The following CHST15 variants were observed in gnomAD, a reference collection of about 807,000 sequenced individuals.
The protein encoded by CHST15 is B cell RAG associated protein (GALNAC4S-6ST).
CHST15 carries 30 observed loss-of-function variants against 53.6 expected under a neutral mutation model. That is an observed-to-expected ratio of 0.56 (90% confidence interval 0.42 to 0.76). The LOEUF is 0.76. CHST15 is among the 30% of genes least tolerant of loss of function. The pLI is 0.00. For synonymous variants in CHST15, 296 were observed against 289.8 expected, an observed-to-expected ratio of 1.02 and a Z score of -0.22; for missense variants, 627 against 740.5, an observed-to-expected ratio of 0.85 and a Z score of 1.78.
chr10:124,019,803 A>C lies in CHST15; in HGVS notation c.1347+1453T>G. ...TGATGTCTAGACTTCTTCTGAGGCT[A>C]GACCAGGTGGTGCGGCCCCATGTGC... On this transcript the variant is annotated intron_variant, in intron 6 of 7. Coordinates refer to ENST00000435907, the MANE Select transcript of CHST15 (RefSeq NM_001270764.2). The surrounding 1 kb of genome is among the most constrained non-coding windows in gnomAD (Gnocchi z 4.6). The C allele has an allele frequency of 1.0e-5, 10 of 985,486 alleles. No homozygotes were observed. Among genetic ancestry groups the C allele is most frequent in the Non-Finnish European group, 1.2e-5 (10 of 830,008 alleles). The allele number at this position is 985,486 out of a possible 1,614,324, so 61.0% of individuals were successfully genotyped here.
In CHST15 at chr10:124,036,158, C is replaced by T. The variant is rs1947489502; in HGVS notation, c.1190+2357G>A. Among the ~76,000 whole-genome samples the T allele has an allele frequency of 6.6e-6, 1 of 152,236 alleles. No individual in the cohort carries two copies. The highest frequency in any genetic ancestry group is 2.1e-4 in the South Asian group (1 of 4,834). On this transcript the variant is annotated intron_variant, in intron 5 of 7. Coordinates refer to ENST00000435907, the MANE Select transcript of CHST15 (RefSeq NM_001270764.2). This position sits in a 1 kb window ranked among gnomAD's most constrained non-coding sequence, Gnocchi z 5.1. ...GGCCGTGTCGGGGAGGGAGGCAGAGCAGCTATGCAAACACCTCCGGGGGCG... is the reference window on the plus strand; with the variant it reads ...GGCCGTGTCGGGGAGGGAGGCAGAGTAGCTATGCAAACACCTCCGGGGGCG...
chr10:124,042,104 T>C (rs1947761899), intron 4 of CHST15, among the ~76,000 whole-genome samples, 197 bp downstream of exon 4: 1 of 152,262 alleles, frequency 6.6e-6, no homozygotes, highest in Non-Finnish European at 1.5e-5. Context: ...ATTTCCACTT[T>C]ATAGTAATGT....
chr10:124,052,409 C>T (rs956884123), intron 1 of CHST15, among the ~76,000 whole-genome samples: 4 of 152,238 alleles, frequency 2.6e-5, no homozygotes, highest in Admixed American at 2.6e-4. Context: ...ACTCCGTCAA[C>T]ATTCACTGGC....
intron 3 of CHST15, among the ~76,000 whole-genome samples, chr10:124,044,224 A>G (rs929927295): frequency 2.0e-5 from 3 of 150,074 alleles, no homozygotes; most frequent in Admixed American, 6.6e-5. Context: ...AGAGCAGGGA[A>G]TAGCACAGAG....
intron 1 of CHST15, among the ~76,000 whole-genome samples, chr10:124,056,088 TG>T (rs1400293946): frequency 6.6e-6 from 1 of 152,138 alleles, no homozygotes; most frequent in Non-Finnish European, 1.5e-5. Flanking sequence ...TATAGAAAGA[TG>T]GGTCAAGAGG....
At chr10:124,063,531 T>C (rs1948658999) in intron 1 of CHST15, among the ~76,000 whole-genome samples, 1 of 152,210 alleles carries the variant, frequency 6.6e-6, no homozygotes, top group African/African-American at 2.4e-5. Context: ...TATTTATTTA[T>C]AGACCTATCA....
intron 1 of CHST15, among the ~76,000 whole-genome samples, chr10:124,067,009 AT>A (rs751925606): frequency 1.3e-5 from 2 of 152,248 alleles, no homozygotes; most frequent in Non-Finnish European, 2.9e-5. Context: ...CCATTTGCAC[AT>A]TCCAGAGTAA....
chr10:124,039,196 T>TG (rs1947641569), intron 4 of CHST15, among the ~76,000 whole-genome samples: 2 of 152,316 alleles, frequency 1.3e-5, no homozygotes, highest in East Asian at 3.9e-4. Flanking sequence ...TAATAATAGA[T>TG]GGAGTTCTCT....
intron 1 of CHST15, among the ~76,000 whole-genome samples, chr10:124,077,823 C>T (rs894754578): frequency 1.3e-5 from 2 of 152,214 alleles, no homozygotes; most frequent in African/African-American, 2.4e-5. Flanking sequence ...GAGCCTCACT[C>T]GGCTCCAGAG....
intron 1 of CHST15, among the ~76,000 whole-genome samples, chr10:124,077,575 G>A (rs1000450259): frequency 6.6e-6 from 1 of 152,176 alleles, no homozygotes; most frequent in Non-Finnish European, 1.5e-5. Context: ...CACCTAAAGA[G>A]AAAATTAGGC....
intron 1 of CHST15, among the ~76,000 whole-genome samples, chr10:124,055,995 G>A (rs115991224): frequency 0.013 from 1,929 of 152,242 alleles, 40 homozygotes; most frequent in African/African-American, 0.045. Context: ...ACAAACCTGC[G>A]GGTACCTGCA....
Position 124,009,822 on chromosome 10 carries a change from G to C in CHST15, c.*327C>G. 1 of 1,100,268 alleles carries C rather than the reference G, an allele frequency of 9.1e-7. No homozygotes were observed. The highest frequency in any genetic ancestry group is 2.7e-5 in the South Asian group (1 of 37,248). The allele number at this position is 1,100,268 out of a possible 1,614,324, so 68.2% of individuals were successfully genotyped here. ...CAGAAGGCGGAGGCGGGCAGGGCCA[G>C]GCTGCCTTCCCTAGGTGTTCTCTCC... On this transcript the variant is annotated 3_prime_UTR_variant, in exon 8 of 8. Transcript: ENST00000435907.
intron 1 of CHST15, among the ~76,000 whole-genome samples, chr10:124,080,740 G>A (rs4437970): frequency 0.014 from 2,170 of 152,270 alleles, 72 homozygotes; most frequent in East Asian, 0.11. Context: ...GCAGGCCTCC[G>A]TTTCCCCAGC....
chr10:124,077,974 G>A (rs2053952766), intron 1 of CHST15, among the ~76,000 whole-genome samples: 1 of 152,222 alleles, frequency 6.6e-6, no homozygotes, highest in Non-Finnish European at 1.5e-5. Flanking sequence ...AAACTAGGCT[G>A]CAGAAATTCT....
Position 124,008,645 on chromosome 10 carries a change from T to C in CHST15, c.*1504A>G. 1 of 1,034,286 alleles carries C rather than the reference T, an allele frequency of 9.7e-7. No individual in the cohort carries two copies. The allele number at this position is 1,034,286 out of a possible 1,614,324, so 64.1% of individuals were successfully genotyped here. On this transcript the variant is annotated 3_prime_UTR_variant, in exon 8 of 8. Transcript: ENST00000435907. ...ACCAGCAGAAAGACGGCTGAACAACTGCAGATCCTCCTACCCCCGAAGCCT... is the reference window on the plus strand; with the variant it reads ...ACCAGCAGAAAGACGGCTGAACAACCGCAGATCCTCCTACCCCCGAAGCCT...
chr10:124,027,079 T>C (rs551999403), intron 5 of CHST15, among the ~76,000 whole-genome samples: 10 of 152,326 alleles, frequency 6.6e-5, no homozygotes, highest in Non-Finnish European at 1.5e-5. Flanking sequence ...CAGATGGGTA[T>C]TACATTTGGC....
chr10:124,014,904 A>C (rs1232560399), intron 6 of CHST15, among the ~76,000 whole-genome samples: 1 of 152,156 alleles, frequency 6.6e-6, no homozygotes, highest in Non-Finnish European at 1.5e-5. Flanking sequence ...ACAGGCCTGC[A>C]CCGCAGCATG....
intron 1 of CHST15, among the ~76,000 whole-genome samples, chr10:124,066,380 C>T (rs1264255609): frequency 1.3e-5 from 2 of 152,052 alleles, no homozygotes; most frequent in Non-Finnish European, 2.9e-5. Flanking sequence ...CCACCACCGC[C>T]AAGACGTGTT....
chr10:124,021,243 G>GGA lies in CHST15; in HGVS notation c.1347+12_1347+13insTC. ...GGGCCAGCTCGGGGGGTACGGGGGG[G>GGA]GGGGGTACACACAGGCATGGCGTTG... On this transcript the variant is annotated intron_variant, in intron 6 of 7. Coordinates refer to ENST00000435907, the MANE Select transcript of CHST15 (RefSeq NM_001270764.2). 1 of 1,541,850 alleles carries GGA rather than the reference G, an allele frequency of 6.5e-7. No individual in the cohort carries two copies. Among genetic ancestry groups the GGA allele is most frequent in the South Asian group, 1.2e-5 (1 of 86,496 alleles).
Sources: gnomAD v4.1 joint callset for allele counts (sites outside exome capture counted in the v4.1 genomes callset) on GRCh38, gnomAD v4.1.1 for gene constraint, Gnocchi (gnomAD v3.1) non-coding constraint, MANE v1.5 for transcripts, NCBI Gene and HGNC (gene_info 2026-07-23, HGNC 2026-07-21) for gene names.